The following UGT1A5 variants were observed in gnomAD, a reference collection of about 807,000 sequenced individuals.
The protein encoded by UGT1A5 is UDP glucuronosyltransferase family 1 member A5.
Under a neutral mutation model 40.3 loss-of-function variants are expected in UGT1A5, and 29 were observed. That is an observed-to-expected ratio of 0.72 (90% CI 0.54 to 0.98). The LOEUF (loss-of-function observed/expected upper bound fraction) is 0.98. Among genes scored for constraint, UGT1A5 ranks in the 50% least tolerant of loss-of-function variants. The pLI, the probability that UGT1A5 is intolerant of heterozygous loss-of-function variation, is 0.00. For missense variants in UGT1A5, 678 were observed against 677.9 expected, an observed-to-expected ratio of 1.00 and a Z score of 0.00; for synonymous variants, 257 against 262.5, an observed-to-expected ratio of 0.98 and a Z score of 0.20.
In UGT1A5 at chr2:233,713,513, G is replaced by T. The variant is rs1275853145; in HGVS notation, c.522G>T (p.Arg174Ser). Residue 174 changes from arginine to serine, a missense_variant, in exon 1 of 5, where the codon AGG (arginine) becomes AGT (serine). Coordinates refer to ENST00000373414, the MANE Select transcript of UGT1A5 (RefSeq NM_019078.2). ...YLSIPAVFFL[R>S]NIPCDLDFKG... ...CGATTCCTGCTGTGTTTTTCTTGAG[G>T]AACATTCCATGTGATTTAGACTTTA... is the stretch of plus-strand genomic sequence containing the variant. 6.2e-7 allele frequency: 1 copy of T among 1,613,912 alleles called. No individual in the cohort carries two copies. The highest frequency in any genetic ancestry group is 2.2e-5 in the East Asian group (1 of 44,888).
chr2:233,729,877 C>T, intron 1 of UGT1A5: 5 of 1,613,842 alleles, frequency 3.1e-6, no homozygotes, highest in Non-Finnish European at 4.2e-6. Flanking sequence ...TATTCTCAGT[C>T]ATGCATCTGT....
chr2:233,725,317 C>CT lies in UGT1A5; in HGVS notation c.867+11459_867+11460insT, dbSNP rs1559370683. Among the ~76,000 whole-genome samples, 2 of 37,458 alleles carry CT rather than the reference C, an allele frequency of 5.3e-5. 1 individual carries two copies. Among genetic ancestry groups the CT allele is most frequent in the African/African-American group, 6.3e-4 (2 of 3,170 alleles). 24.6% of individuals were successfully genotyped at this position (37,458 alleles called of 152,430 possible). A position where few individuals can be genotyped will look rare whatever the true frequency, so the allele number is the denominator to read the frequency against. On this transcript the variant is annotated intron_variant, in intron 1 of 4. Coordinates refer to ENST00000373414, the MANE Select transcript of UGT1A5 (RefSeq NM_019078.2). ...GCAGAGGCAGAGGCAGAGGCAGAGGCGCCTGGTCAACAATCTTAAGTCCAA... is the reference window on the plus strand; with the variant it reads ...GCAGAGGCAGAGGCAGAGGCAGAGGCTGCCTGGTCAACAATCTTAAGTCCAA...
At chr2:233,768,775 G>A (rs577472067) in intron 4 of UGT1A5, among the ~76,000 whole-genome samples, 18 of 151,802 alleles carry the variant, frequency 1.2e-4, no homozygotes, top group Admixed American at 9.2e-4. Flanking sequence ...GTAGAGAAAG[G>A]GTTTCACCAT....
chr2:233,762,402 T>A (rs1251958312), intron 1 of UGT1A5, among the ~76,000 whole-genome samples: 1 of 152,262 alleles, frequency 6.6e-6, no homozygotes, highest in Non-Finnish European at 1.5e-5. Flanking sequence ...TAAAATTTTT[T>A]GGTTGCTTTT....
chr2:233,733,052 A>G (rs1453570280), intron 1 of UGT1A5, among the ~76,000 whole-genome samples: 2 of 151,868 alleles, frequency 1.3e-5, no homozygotes, highest in African/African-American at 4.8e-5. Context: ...ATTCCTAGGT[A>G]TTTTATTCTC....
chr2:233,743,626 G>T (rs1399385903), intron 1 of UGT1A5: 3 of 1,367,322 alleles, frequency 2.2e-6, no homozygotes, highest in Non-Finnish European at 2.9e-6. Flanking sequence ...TGAAGACGTC[G>T]GCTGGGTCGC....
In UGT1A5 at chr2:233,767,156, C is replaced by A. The variant is rs1029357504; in HGVS notation, c.990C>A (p.Ile330=). Residue 330 remains isoleucine, a synonymous_variant, in exon 2 of 5, where the codon ATC becomes ATA. Coordinates refer to ENST00000373414, the MANE Select transcript of UGT1A5 (RefSeq NM_019078.2). Reference sequence around the variant, plus strand: ...CAATTGCTGATGCTTTGGGCAAAATCCCTCAGACAGTAAGAAGATTCTATA... The same window carrying A: ...CAATTGCTGATGCTTTGGGCAAAATACCTCAGACAGTAAGAAGATTCTATA... ...AMAIADALGK[I]PQTVLWRYTG... The A allele has an allele frequency of 6.2e-7, 1 of 1,614,058 alleles. No individual in the cohort carries two copies. Among genetic ancestry groups the A allele is most frequent in the Non-Finnish European group, 8.5e-7 (1 of 1,179,996 alleles).
chr2:233,719,653 G>C (rs759057764), intron 1 of UGT1A5: 1 of 1,613,960 alleles, frequency 6.2e-7, no homozygotes, highest in African/African-American at 1.3e-5. Context: ...TTCATTGGGG[G>C]CATCAACTGT....
At chr2:233,758,491 A>G (rs953417996) in intron 1 of UGT1A5, among the ~76,000 whole-genome samples, 5 of 152,260 alleles carry the variant, frequency 3.3e-5, no homozygotes, top group African/African-American at 1.2e-4. Context: ...TGTGAATTTC[A>G]GAATTTCTAA....
At chr2:233,760,122 C>A (rs535497865) in intron 1 of UGT1A5, 1 of 1,292,030 alleles carries the variant, frequency 7.7e-7, no homozygotes, top group East Asian at 2.5e-5. Flanking sequence ...TAATAAAGCT[C>A]CACCTTCTTT....
intron 4 of UGT1A5, chr2:233,770,154 AAC>A (rs1418683747): frequency 6.6e-6 from 1 of 152,270 alleles, no homozygotes. Context: ...TTTTTAAAAA[AAC>A]ACAAATCAAT....
At chr2:233,720,438 T>C (rs553453091) in intron 1 of UGT1A5, among the ~76,000 whole-genome samples, 3 of 152,172 alleles carry the variant, frequency 2.0e-5, no homozygotes, top group African/African-American at 7.2e-5. Context: ...ACCGTGAATC[T>C]ATAAGCCCAG....
At chr2:233,740,031 T>C (rs1041494414) in intron 1 of UGT1A5, among the ~76,000 whole-genome samples, 2 of 151,832 alleles carry the variant, frequency 1.3e-5, no homozygotes, top group African/African-American at 2.4e-5. Flanking sequence ...CTGATGGTTT[T>C]ATAAGGGACT....
At position 233,772,432 on chromosome 2, in the gene UGT1A5, T is replaced by C. The variant is rs771600393; in HGVS notation, c.1478T>C (p.Ile493Thr). 4.3e-6 allele frequency: 7 copies of C among 1,614,238 alleles called. No homozygotes were observed. Among genetic ancestry groups the C allele is most frequent in the Middle Eastern group, 1.6e-4 (1 of 6,062 alleles). Residue 493 changes from isoleucine to threonine, a missense_variant, in exon 5 of 5, where the codon ATT (isoleucine) becomes ACT (threonine). Physicochemically the swap from Ile to Thr is moderately conservative, Grantham distance 89 (BLOSUM62 -1). Coordinates refer to ENST00000373414, the MANE Select transcript of UGT1A5 (RefSeq NM_019078.2). ...TWYQYHSLDV[I>T]GFLLAVVLTV... Reference sequence around the variant, plus strand: ...TACCAGTACCATTCCTTGGACGTGATTGGTTTCCTCTTGGCCGTCGTGCTG... The same window carrying C: ...TACCAGTACCATTCCTTGGACGTGACTGGTTTCCTCTTGGCCGTCGTGCTG...
At chr2:233,735,104 G>A (rs543014633) in intron 1 of UGT1A5, among the ~76,000 whole-genome samples, 1 of 152,204 alleles carries the variant, frequency 6.6e-6, no homozygotes, top group Non-Finnish European at 1.5e-5. Context: ...GTCTAATATC[G>A]ACAGTGGGAT....
At position 233,769,829 on chromosome 2, in the gene UGT1A5, A is replaced by C; in HGVS notation, c.1307+1390A>C. 1.4e-6 allele frequency: 1 copy of C among 707,246 alleles called. No homozygotes were observed. Among genetic ancestry groups the C allele is most frequent in the East Asian group, 3.2e-5 (1 of 31,212 alleles). The allele number at this position is 707,246 out of a possible 1,614,324, so 43.8% of individuals were successfully genotyped here. On this transcript the variant is annotated intron_variant, in intron 4 of 4. Transcript: ENST00000373414. This position sits in a 1 kb window ranked among gnomAD's most constrained non-coding sequence, Gnocchi z 4.4. ...GTGATCATGCCACTGCACTCCAGCA[A>C]CCTGGGCAACAGAGTGAGACCCTGT...
In UGT1A5 at chr2:233,725,005, C is replaced by T. The variant is rs1205607932; in HGVS notation, c.867+11147C>T. 3.6e-4 allele frequency among the ~76,000 whole-genome samples: 53 copies of T among 147,398 alleles called. 3 individuals carry two copies. The highest frequency in any genetic ancestry group is 1.3e-3 in the African/African-American group (50 of 39,416). The stretch of plus-strand genomic sequence containing the variant: ...CGCGGTTAGGGGCTGGAGACCGGCC[C>T]GGCCAAACAGCAAAACCCGGTCTCC... On this transcript the variant is annotated intron_variant, in intron 1 of 4. Transcript: ENST00000373414.
At chr2:233,729,062 G>C in intron 1 of UGT1A5, 3 of 1,610,966 alleles carry the variant, frequency 1.9e-6, no homozygotes, top group South Asian at 2.2e-5. Context: ...TAATTAAGAT[G>C]AAGAAAGCAA....
chr2:233,767,810 T>C lies in UGT1A5; in HGVS notation c.1000-39T>C, dbSNP rs547285080. ...GCAGATTTGTTTTCTAATCATATTA[T>C]GTTCTTTCTTTACGTTCTGCTCTTT... On this transcript the variant is annotated intron_variant, in intron 2 of 4. Transcript: ENST00000373414. 20 of 1,614,194 alleles carry C rather than the reference T, an allele frequency of 1.2e-5. No homozygotes were observed. The South Asian group carries it at 1.9e-4, about 15-fold the overall frequency.
Sources: allele counts gnomAD v4.1 joint callset (sites outside exome capture counted in the v4.1 genomes callset), GRCh38; gene constraint gnomAD v4.1.1; non-coding constraint Gnocchi (gnomAD v3.1); transcripts MANE v1.5; gene names NCBI Gene and HGNC (gene_info 2026-07-23, HGNC 2026-07-21).